Variants in PSG11 observed in about 807,000 individuals in gnomAD.
The protein encoded by PSG11 is pregnancy specific beta-1-glycoprotein 11.
PSG11 carries 42 observed loss-of-function variants against 36.0 expected under a neutral mutation model. The observed-to-expected ratio is 1.17, with a 90% CI of 0.91 to 1.51. PSG11 has a LOEUF of 1.51. Among genes scored for constraint, PSG11 ranks in the 40% most tolerant of loss-of-function variants. The pLI, the probability that PSG11 is intolerant of heterozygous loss-of-function variation, is 0.00. For missense variants in PSG11, 558 were observed against 403.5 expected (o/e 1.38, Z -3.28); for synonymous variants, 206 against 153.5 (o/e 1.34, Z -2.53).
chr19:43,011,448 A>G (rs572366755), intron 4 of PSG11, among the ~76,000 whole-genome samples: 53 of 151,614 alleles, frequency 3.5e-4, no homozygotes, highest in African/African-American at 1.2e-3. Context: ...ATTAGAGTTG[A>G]TATAAATAAA....
intron 4 of PSG11, among the ~76,000 whole-genome samples, chr19:43,012,497 C>A (rs1485399359): frequency 2.0e-5 from 3 of 151,180 alleles, no homozygotes; most frequent in East Asian, 3.9e-4. Flanking sequence ...AATACACTAA[C>A]CATGAACAAT....
rs1251388923 is a variant in PSG11, at chr19:43,007,785, G to C, written c.*298C>G. ...TTTACAAAAGTATACTTTACCAATT[G>C]CTGAAGAAAAAAATTCATAAATCTG... On this transcript the variant is annotated 3_prime_UTR_variant, in exon 6 of 6. Transcript: ENST00000320078. The C allele has an allele frequency of 3.7e-6, 1 of 271,532 alleles. No individual in the cohort carries two copies. The highest frequency in any genetic ancestry group is 7.3e-6 in the Non-Finnish European group (1 of 137,598). The allele number at this position is 271,532 out of a possible 1,614,324, so 16.8% of individuals were successfully genotyped here.
chr19:43,023,053 C>T lies in PSG11; in HGVS notation c.430+1638G>A, dbSNP rs1218859938. Among the ~76,000 whole-genome samples the T allele has an allele frequency of 4.0e-5, 6 of 150,864 alleles. 1 individual carries two copies. The highest frequency in any genetic ancestry group is 1.3e-4 in the Admixed American group (2 of 15,108). On this transcript the variant is annotated intron_variant, in intron 2 of 5. Transcript: ENST00000320078. ...CAGTGAGCAGTGAGGGAGACACTGACTTCAGAGCCCCCAGGAACCAGCTGC... is the reference window on the plus strand; with the variant it reads ...CAGTGAGCAGTGAGGGAGACACTGATTTCAGAGCCCCCAGGAACCAGCTGC...
chr19:43,013,705 T>C (rs1333759043), intron 4 of PSG11, among the ~76,000 whole-genome samples: 1 of 151,388 alleles, frequency 6.6e-6, no homozygotes, highest in Non-Finnish European at 1.5e-5. Flanking sequence ...ACTGTAAAAA[T>C]TGGTGTGCTG....
At chr19:43,026,197 T>G in intron 1 of PSG11, 112 bp downstream of exon 1, 1 of 1,496,078 alleles carries the variant, frequency 6.7e-7, no homozygotes, top group Admixed American at 1.8e-5. Context: ...CACCTCAGCC[T>G]CCCTAAATGC....
At chr19:43,016,980 C>G (rs192013576) in intron 3 of PSG11, among the ~76,000 whole-genome samples, 1 of 151,508 alleles carries the variant, frequency 6.6e-6, no homozygotes, top group Admixed American at 6.6e-5. Flanking sequence ...CAAGTAGTTT[C>G]TTTCATTGGA....
At chr19:43,009,917 C>G in intron 5 of PSG11, 41 bp downstream of exon 5, 1 of 1,449,796 alleles carries the variant, frequency 6.9e-7, no homozygotes, top group Non-Finnish European at 9.7e-7. Context: ...GCATGGCAGT[C>G]AGCCCTGCAG....
rs139998672 is a variant in PSG11, at chr19:43,018,744, C to T, written c.709+26G>A. On this transcript the variant is annotated intron_variant, in intron 3 of 5. Coordinates refer to ENST00000320078, the MANE Select transcript of PSG11 (RefSeq NM_002785.3). ...ATGTGTATTTGGGATGGCAGCCTGG[C>T]TCACAGAGGAACAGAAGATACTCAC... The T allele has an allele frequency of 5.1e-3, 8,146 of 1,612,050 alleles. 619 individuals carry two copies. The African/African-American group carries it at 0.096, about 19-fold the overall frequency.
Position 43,024,910 on chromosome 19 carries a change from G to T in PSG11, c.211C>A (p.Gln71Lys). 6.2e-7 allele frequency: 1 copy of T among 1,611,794 alleles called. No homozygotes were observed. Among genetic ancestry groups the T allele is most frequent in the Non-Finnish European group, 8.5e-7 (1 of 1,179,062 alleles). Residue 71 changes from glutamine (Q) to lysine (K), a missense_variant, in exon 2 of 6, where the codon CAA becomes AAA. Gln to Lys is a moderately conservative substitution (Grantham distance 53). Coordinates refer to ENST00000320078, the MANE Select transcript of PSG11 (RefSeq NM_002785.3). ...NLTGYIWYKG[Q>K]IRDLYHYITS... ...ATGTAATGGTAGAGGTCCCTGATTT[G>T]CCCTTTGTACCAGATGTAGCCAGTA...
intron 4 of PSG11, among the ~76,000 whole-genome samples, chr19:43,013,466 A>C (rs1194037858): frequency 6.6e-6 from 1 of 151,502 alleles, no homozygotes; most frequent in Non-Finnish European, 1.5e-5. Context: ...ATGGAGTTTT[A>C]TCCAAGGAAG....
At chr19:43,019,908 G>A (rs1568490700) in intron 2 of PSG11, among the ~76,000 whole-genome samples, 1 of 151,496 alleles carries the variant, frequency 6.6e-6, no homozygotes, top group African/African-American at 2.4e-5. Flanking sequence ...GATGATGGAA[G>A]TCTGGCCCTC....
At chr19:43,009,433 T>C (rs1421774368) in intron 5 of PSG11, among the ~76,000 whole-genome samples, 1 of 151,322 alleles carries the variant, frequency 6.6e-6, no homozygotes, top group Non-Finnish European at 1.5e-5. Flanking sequence ...GGAGGAATTA[T>C]ACTAGGAAGT....
Position 43,022,248 on chromosome 19 carries a change from A to T in PSG11, c.430+2443T>A, listed in dbSNP as rs181109372. On this transcript the variant is annotated intron_variant, in intron 2 of 5. Transcript: ENST00000320078. Reference sequence around the variant, plus strand: ...ACTAATTGCTCCTATAGATAACATCACTATTGTAGAACGTGAGATTGGTCT... The same window carrying T: ...ACTAATTGCTCCTATAGATAACATCTCTATTGTAGAACGTGAGATTGGTCT... 1.8e-4 allele frequency among the ~76,000 whole-genome samples: 27 copies of T among 151,596 alleles called. 1 individual carries two copies. The highest frequency in any genetic ancestry group is 1.6e-3 in the Admixed American group (24 of 15,198).
chr19:43,024,224 G>A (rs1428640781), intron 2 of PSG11, among the ~76,000 whole-genome samples: 1 of 151,284 alleles, frequency 6.6e-6, no homozygotes. Context: ...AGTAAGCCCT[G>A]CCCAAGAAGC....
Position 43,014,924 on chromosome 19 carries a change from T to C in PSG11, c.964+192A>G, listed in dbSNP as rs750860091. On this transcript the variant is annotated intron_variant, in intron 4 of 5. Transcript: ENST00000320078. ...TTTCTCAGGCCAGACACAAGGTCAG[T>C]CATGAGAAAACAGAAAAAAAAGGAG... The C allele has an allele frequency of 1.5e-4, 215 of 1,452,440 alleles. 3 individuals carry two copies. The highest frequency in any genetic ancestry group is 1.8e-4 in the Non-Finnish European group (195 of 1,091,148). The allele number at this position is 1,452,440 out of a possible 1,614,324, so 90.0% of individuals were successfully genotyped here. A position where few individuals can be genotyped will look rare whatever the true frequency, so the allele number is the denominator to read the frequency against.
chr19:43,010,232 T>C, intron 4 of PSG11, 191 bp from the exon 5 acceptor site: 1 of 1,454,202 alleles, frequency 6.9e-7, no homozygotes. Flanking sequence ...GTTTCTCAGT[T>C]GGTGATCAGT....
chr19:43,026,010 C>T (rs1352159718), intron 1 of PSG11, among the ~76,000 whole-genome samples: 2 of 129,438 alleles, frequency 1.5e-5, no homozygotes, highest in East Asian at 2.7e-4. Context: ...GGCACTATCT[C>T]AGCTCACTGC....
intron 4 of PSG11, among the ~76,000 whole-genome samples, chr19:43,012,318 T>A (rs1599669196): frequency 1.3e-5 from 2 of 151,482 alleles, no homozygotes; most frequent in African/African-American, 2.4e-5. Context: ...GCAAGAATTT[T>A]AAAAAAGACA....
intron 5 of PSG11, among the ~76,000 whole-genome samples, chr19:43,009,736 C>T (rs1406374672): frequency 6.6e-6 from 1 of 151,144 alleles, no homozygotes. Context: ...ATCTGAGAAA[C>T]AAATGAGCAG....
Sources: gnomAD v4.1 joint callset for allele counts (sites outside exome capture counted in the v4.1 genomes callset) on GRCh38, gnomAD v4.1.1 for gene constraint, MANE v1.5 for transcripts, NCBI Gene and HGNC (gene_info 2026-07-23, HGNC 2026-07-21) for gene names.